The following LHX4 variants were observed in gnomAD, a reference collection of about 807,000 sequenced individuals.
LHX4 encodes the protein LIM homeobox 4.
LHX4 carries 16 observed loss-of-function variants against 39.2 expected under a neutral mutation model. The ratio of observed to expected loss-of-function variants is 0.41; its 90% CI spans 0.28 to 0.62. The LOEUF (loss-of-function observed/expected upper bound fraction) is 0.62. Among genes scored for constraint, LHX4 ranks in the 20% least tolerant of loss-of-function variants. The probability of loss-of-function intolerance (pLI) is 0.33; values close to 1 mark genes in which losing one functional copy is unlikely to be tolerated. For synonymous variants in LHX4, 206 were observed against 198.1 expected, an observed-to-expected ratio of 1.04 and a Z score of -0.33; for missense variants, 439 against 511.9, an observed-to-expected ratio of 0.86 and a Z score of 1.37.
At position 180,266,325 on chromosome 1, in the gene LHX4, AG is replaced by A. The variant is rs1172744378; in HGVS notation, c.249-65del. 7.2e-6 allele frequency: 11 copies of A among 1,524,664 alleles called. No individual in the cohort carries two copies. The African/African-American group carries it at 1.4e-4, about 19-fold the overall frequency. The allele number at this position is 1,524,664 out of a possible 1,614,324, so 94.4% of individuals were successfully genotyped here. A position where few individuals can be genotyped will look rare whatever the true frequency, so the allele number is the denominator to read the frequency against. ...GGTGGGGTAGGAGGGAGGCTGCTCC[AG>A]GAAGTTGGGGGAAGCCAGATCCCTT... On this transcript the variant is annotated intron_variant, in intron 2 of 5. Coordinates refer to ENST00000263726, the MANE Select transcript of LHX4 (RefSeq NM_033343.4). This position sits in a 1 kb window ranked among gnomAD's most constrained non-coding sequence, Gnocchi z 5.7.
rs1461870145 is a variant in LHX4, at chr1:180,277,082, A to G, written c.*2503A>G. The G allele has an allele frequency of 6.6e-6, 1 of 152,174 alleles. No homozygotes were observed. Among genetic ancestry groups the G allele is most frequent in the East Asian group, 1.9e-4 (1 of 5,194 alleles). The allele number at this position is 152,174 out of a possible 1,614,324, so 9.4% of individuals were successfully genotyped here. On this transcript the variant is annotated 3_prime_UTR_variant, in exon 6 of 6. Coordinates refer to ENST00000263726, the MANE Select transcript of LHX4 (RefSeq NM_033343.4). The stretch of plus-strand genomic sequence containing the variant: ...TGAGAGCACTGGCCTGAAAACCAGG[A>G]GAGCTTTGTTTTCCAGAGCCACCTC...
At chr1:180,267,349 G>A (rs141810095) in intron 3 of LHX4, among the ~76,000 whole-genome samples, 9 of 152,390 alleles carry the variant, frequency 5.9e-5, no homozygotes, top group Non-Finnish European at 1.2e-4. Context: ...TAGCAGCCAC[G>A]CCTGGAAAGG....
rs1664249170 is a variant in LHX4, at chr1:180,234,169, T to TTATATACATATATATATA, written c.76+3570_76+3571insCATATATATATATATATA. On this transcript the variant is annotated intron_variant, in intron 1 of 5. Transcript: ENST00000263726. The surrounding 1 kb of genome is among the most constrained non-coding windows in gnomAD (Gnocchi z 4.8). The stretch of plus-strand genomic sequence containing the variant: ...AACAGACACACACAACACACACAAA[T>TTATATACATATATATATA]TATATATATATATATATATATATAT... 1.9e-5 allele frequency among the ~76,000 whole-genome samples: 1 copy of TTATATACATATATATATA among 53,610 alleles called. No homozygotes were observed. Among genetic ancestry groups the TTATATACATATATATATA allele is most frequent in the Non-Finnish European group, 3.5e-5 (1 of 28,470 alleles). 35.2% of individuals were successfully genotyped at this position (53,610 alleles called of 152,430 possible).
At chr1:180,229,964 A>AGGCGGGGGGG (rs1553278096), upstream of LHX4, among the ~76,000 whole-genome samples, 5 of 73,482 alleles carry the variant, frequency 6.8e-5, no homozygotes, top group African/African-American at 3.6e-4. Flanking sequence ...GGAGGCGGGG[A>AGGCGGGGGGG]GGGGGGGGGG....
chr1:180,255,123 G>A (rs926261053), intron 2 of LHX4, among the ~76,000 whole-genome samples: 4 of 152,264 alleles, frequency 2.6e-5, no homozygotes, highest in African/African-American at 9.6e-5. Flanking sequence ...ATCAAAGAGC[G>A]GGGCCAGCCT....
chr1:180,251,661 C>G (rs1346308601), intron 2 of LHX4, among the ~76,000 whole-genome samples: 1 of 152,218 alleles, frequency 6.6e-6, no homozygotes, highest in African/African-American at 2.4e-5. Flanking sequence ...TGACCAGTTT[C>G]TTCTGTATGC....
chr1:180,270,871 TGCA>T, intron 3 of LHX4: 15 of 220,958 alleles, frequency 6.8e-5, no homozygotes, highest in South Asian at 2.1e-4. Context: ...CTGTTGGGTG[TGCA>T]AGCTCACCCC....
chr1:180,278,631 C>T lies in LHX4; in HGVS notation c.*4052C>T, dbSNP rs1275087289. 1 of 151,970 alleles carries T rather than the reference C, an allele frequency of 6.6e-6. No homozygotes were observed. The highest frequency in any genetic ancestry group is 1.5e-5 in the Non-Finnish European group (1 of 68,010). The allele number at this position is 151,970 out of a possible 1,614,324, so 9.4% of individuals were successfully genotyped here. A position where few individuals can be genotyped will look rare whatever the true frequency, so the allele number is the denominator to read the frequency against. ...ATTGCCCACCGAGAGGCAAGAATCACACCAACTTTCCCACTTGAGGACTGT... is the reference window on the plus strand; with the variant it reads ...ATTGCCCACCGAGAGGCAAGAATCATACCAACTTTCCCACTTGAGGACTGT... On this transcript the variant is annotated 3_prime_UTR_variant, in exon 6 of 6. Transcript: ENST00000263726.
chr1:180,230,436 G>C lies in LHX4; in HGVS notation c.-94G>C. The C allele has an allele frequency of 9.1e-7, 1 of 1,103,162 alleles. No individual in the cohort carries two copies. Among genetic ancestry groups the C allele is most frequent in the South Asian group, 1.3e-5 (1 of 75,578 alleles). 68.3% of individuals were successfully genotyped at this position (1,103,162 alleles called of 1,614,324 possible). On this transcript the variant is annotated 5_prime_UTR_variant, in exon 1 of 6. Coordinates refer to ENST00000263726, the MANE Select transcript of LHX4 (RefSeq NM_033343.4). This position sits in a 1 kb window ranked among gnomAD's most constrained non-coding sequence, Gnocchi z 5.8. ...CACCGTGACTCCAGCGGCCTGCTTG[G>C]GGTTTTAATTATTATTTTGAAATTT...
intron 1 of LHX4, among the ~76,000 whole-genome samples, chr1:180,237,908 T>C (rs926625891): frequency 1.3e-5 from 2 of 152,222 alleles, no homozygotes; most frequent in Non-Finnish European, 2.9e-5. Flanking sequence ...TTAGCAATGA[T>C]TAAATGTGAA....
chr1:180,248,178 T>C, intron 1 of LHX4, 107 bp from the exon 2 acceptor site: 1 of 1,024,798 alleles, frequency 9.8e-7, no homozygotes, highest in East Asian at 2.5e-5. Context: ...GTTTGGGCCA[T>C]GTCTGTTTCC....
At chr1:180,244,863 C>T (rs756772226) in intron 1 of LHX4, among the ~76,000 whole-genome samples, 1 of 152,210 alleles carries the variant, frequency 6.6e-6, no homozygotes, top group Non-Finnish European at 1.5e-5. Context: ...ACAAAGAAGT[C>T]CCTGACCTGA....
chr1:180,268,889 T>G (rs1648454384), intron 3 of LHX4, among the ~76,000 whole-genome samples: 1 of 152,144 alleles, frequency 6.6e-6, no homozygotes, highest in Non-Finnish European at 1.5e-5. Flanking sequence ...TTGTTTTAAT[T>G]CCTCCTTGCT....
intron 4 of LHX4, 107 bp downstream of exon 4, chr1:180,271,641 C>A: frequency 2.7e-6 from 4 of 1,454,738 alleles, no homozygotes; most frequent in Non-Finnish European, 3.8e-6. Context: ...CAGGGCTTGA[C>A]CCCAGGGCTT....
chr1:180,258,511 C>T (rs1419362403), intron 2 of LHX4, among the ~76,000 whole-genome samples: 1 of 152,154 alleles, frequency 6.6e-6, no homozygotes, highest in Non-Finnish European at 1.5e-5. Flanking sequence ...CTGTGGCGAC[C>T]ATGTGCAGAA....
At position 180,230,590 on chromosome 1, in the gene LHX4, G is replaced by C. The variant is rs777784884; in HGVS notation, c.61G>C (p.Gly21Arg). The change falls in exon 1 of 6, where the codon GGT (glycine) becomes CGT (arginine). Residue 21 changes from glycine to arginine, a missense_variant. Physicochemically the swap from Gly to Arg is moderately radical, Grantham distance 125. Coordinates refer to ENST00000263726, the MANE Select transcript of LHX4 (RefSeq NM_033343.4). This position sits in a 1 kb window ranked among gnomAD's most constrained non-coding sequence, Gnocchi z 5.8. The part of the protein sequence containing the change: ...GAVKGLPEML[G>R]VPMQQIPQCA... ...TGTCAAGGGGCTCCCGGAGATGCTA[G>C]GTGTGCCGATGCAACGTAAGACACC... 8 of 1,613,778 alleles carry C rather than the reference G, an allele frequency of 5.0e-6. No individual in the cohort carries two copies. In the Admixed American group the frequency reaches 8.3e-5, roughly 17 times the overall value.
At chr1:180,253,259 C>T (rs1421096568) in intron 2 of LHX4, among the ~76,000 whole-genome samples, 2 of 152,206 alleles carry the variant, frequency 1.3e-5, no homozygotes, top group Non-Finnish European at 2.9e-5. Flanking sequence ...CAAAAAGGGA[C>T]CAGGGCCCAG....
chr1:180,272,131 C>T (rs556612658), intron 5 of LHX4, 125 bp downstream of exon 5: 1 of 831,124 alleles, frequency 1.2e-6, no homozygotes, highest in South Asian at 1.9e-5. Flanking sequence ...CAGGCTTTTC[C>T]TTAAGACTTG....
intron 2 of LHX4, among the ~76,000 whole-genome samples, chr1:180,250,628 C>T (rs1487578084): frequency 2.0e-5 from 3 of 152,180 alleles, no homozygotes; most frequent in Admixed American, 2.0e-4. Context: ...TCAGGGAAGC[C>T]TGTGGGGTAT....
Sources: gnomAD v4.1 joint callset for allele counts (sites outside exome capture counted in the v4.1 genomes callset) on GRCh38, gnomAD v4.1.1 for gene constraint, Gnocchi (gnomAD v3.1) non-coding constraint, MANE v1.5 for transcripts, NCBI Gene and HGNC (gene_info 2026-07-23, HGNC 2026-07-21) for gene names.